The following DIS3L2 variants were observed in gnomAD, a reference collection of about 807,000 sequenced individuals.
DIS3L2 encodes the protein DIS3-like exonuclease 2.
A neutral mutation model predicts 97.5 loss-of-function variants in DIS3L2; 34 were observed. The observed-to-expected ratio is 0.35, with a 90% CI of 0.27 to 0.46. The LOEUF (loss-of-function observed/expected upper bound fraction) is 0.46, where lower values mean the gene tolerates loss of function less well. Among genes scored for constraint, DIS3L2 ranks in the 20% least tolerant of loss-of-function variants. The pLI, the probability that DIS3L2 is intolerant of heterozygous loss-of-function variation, is 1.00. For missense variants in DIS3L2, 1,038 were observed against 1,146.0 expected, an observed-to-expected ratio of 0.91 and a Z score of 1.36; for synonymous variants, 435 against 445.2, an observed-to-expected ratio of 0.98 and a Z score of 0.29.
At chr2:231,963,364 G>T (rs1396468953) in intron 1 of DIS3L2, among the ~76,000 whole-genome samples, 5 of 152,126 alleles carry the variant, frequency 3.3e-5, no homozygotes, top group Admixed American at 3.3e-4. Flanking sequence ...TTTGTTGGCT[G>T]CTTGTATGTC....
intron 5 of DIS3L2, among the ~76,000 whole-genome samples, chr2:232,069,017 A>G (rs904508564): frequency 4.6e-5 from 7 of 152,046 alleles, no homozygotes; most frequent in African/African-American, 1.7e-4. Flanking sequence ...GGGTTTCACC[A>G]TATTGGCCAG....
Position 232,223,755 on chromosome 2 carries a change from A to C in DIS3L2, c.1204+13350A>C, listed in dbSNP as rs889599117. 1.4e-4 allele frequency among the ~76,000 whole-genome samples: 21 copies of C among 152,340 alleles called. 1 individual carries two copies. The highest frequency in any genetic ancestry group is 4.8e-4 in the African/African-American group (20 of 41,582). On this transcript the variant is annotated intron_variant, in intron 10 of 20. Coordinates refer to ENST00000325385, the MANE Select transcript of DIS3L2 (RefSeq NM_152383.5). ...CTTAGAATGGTGCTAGACAAAAAGT[A>C]AGTGTTTAGTGAAAGTTATTATTAA...
intron 8 of DIS3L2, among the ~76,000 whole-genome samples, chr2:232,138,478 ATTTAT>A (rs1698421593): frequency 6.6e-6 from 1 of 152,168 alleles, no homozygotes; most frequent in Non-Finnish European, 1.5e-5. Context: ...AGAAGAGAAA[ATTTAT>A]TTTAAGAAAT....
At chr2:232,274,970 A>C (rs1408501928) in intron 13 of DIS3L2, among the ~76,000 whole-genome samples, 2 of 152,164 alleles carry the variant, frequency 1.3e-5, no homozygotes, top group African/African-American at 4.8e-5. Context: ...CTGGATTTCT[A>C]CATCAAATCT....
intron 3 of DIS3L2, among the ~76,000 whole-genome samples, chr2:232,017,238 A>G (rs1365596577): frequency 1.3e-5 from 2 of 151,858 alleles, no homozygotes; most frequent in Admixed American, 1.3e-4. Context: ...AGAAGGTAAA[A>G]ATTAGTCATG....
At chr2:232,222,998 T>C (rs1195136589) in intron 10 of DIS3L2, among the ~76,000 whole-genome samples, 6 of 152,244 alleles carry the variant, frequency 3.9e-5, no homozygotes, top group Admixed American at 6.5e-5. Context: ...CATTCAAATC[T>C]TGCTAGCTTG....
intron 5 of DIS3L2, among the ~76,000 whole-genome samples, chr2:232,052,133 C>G (rs1429861060): frequency 6.6e-6 from 1 of 151,878 alleles, no homozygotes; most frequent in African/African-American, 2.4e-5. Flanking sequence ...AGCAGTTCTC[C>G]TGCCTCAGCC....
At chr2:231,968,207 C>T (rs767938691) in intron 1 of DIS3L2, among the ~76,000 whole-genome samples, 9 of 151,740 alleles carry the variant, frequency 5.9e-5, no homozygotes, top group Non-Finnish European at 1.3e-4. Flanking sequence ...ATACCATTCT[C>T]CTGCCTCAGT....
chr2:232,263,315 G>A lies in DIS3L2; in HGVS notation c.1534G>A (p.Glu512Lys), dbSNP rs1693767237. ...ESPTEKIPAK[E>K]LPPISPEHSS... ...CCCAACTGAGAAAATCCCTGCGAAA[G>A]AGCTGCCCCCCATTTCCCCAGAGCA... is the stretch of plus-strand genomic sequence containing the variant. Residue 512 changes from glutamate to lysine, a missense_variant, in exon 13 of 21, where the codon GAG becomes AAG. Transcript: ENST00000325385. 6.2e-7 allele frequency: 1 copy of A among 1,614,196 alleles called. No homozygotes were observed. Among genetic ancestry groups the A allele is most frequent in the Non-Finnish European group, 8.5e-7 (1 of 1,180,040 alleles).
intron 12 of DIS3L2, among the ~76,000 whole-genome samples, chr2:232,253,831 G>A (rs983284943): frequency 6.6e-6 from 1 of 152,192 alleles, no homozygotes; most frequent in Non-Finnish European, 1.5e-5. Context: ...CTCTTGGGAA[G>A]TAACAGAGAG....
At chr2:232,193,237 AT>A (rs1691664789) in intron 9 of DIS3L2, among the ~76,000 whole-genome samples, 1 of 152,254 alleles carries the variant, frequency 6.6e-6, no homozygotes. Context: ...GCACAGTTGC[AT>A]TCACTTCTAC....
intron 9 of DIS3L2, among the ~76,000 whole-genome samples, chr2:232,206,655 A>G (rs903692051): frequency 6.6e-6 from 1 of 152,188 alleles, no homozygotes; most frequent in Non-Finnish European, 1.5e-5. Context: ...CCTGATCAGG[A>G]ATAATGTTTG....
intron 17 of DIS3L2, 38 bp downstream of exon 17, chr2:232,334,025 A>G (rs769696605): frequency 1.3e-5 from 20 of 1,579,178 alleles, no homozygotes; most frequent in Non-Finnish European, 1.3e-5. Context: ...GACCTGGGCC[A>G]GCTCAGGGCT....
At position 232,136,455 on chromosome 2, in the gene DIS3L2, A is replaced by G. The variant is rs770915716; in HGVS notation, c.703-17A>G. 2.5e-6 allele frequency: 4 copies of G among 1,613,068 alleles called. No homozygotes were observed. The highest frequency in any genetic ancestry group is 3.3e-5 in the Admixed American group (2 of 59,918). On this transcript the variant is annotated splice_polypyrimidine_tract_variant and intron_variant, in intron 7 of 20. Coordinates refer to ENST00000325385, the MANE Select transcript of DIS3L2 (RefSeq NM_152383.5). ...TCTGCAGATAAACAACATTGACTAT[A>G]TCTTTGGTGTTTTTAGGTGGTTTAC...
At chr2:232,260,383 G>A (rs1693683778) in intron 12 of DIS3L2, 1 of 152,196 alleles carries the variant, frequency 6.6e-6, no homozygotes, top group African/African-American at 2.4e-5. Context: ...AGCCTAAAAG[G>A]GGCTCTTCAG....
At chr2:232,158,267 A>G (rs1353664897) in intron 8 of DIS3L2, among the ~76,000 whole-genome samples, 1 of 151,938 alleles carries the variant, frequency 6.6e-6, no homozygotes, top group Non-Finnish European at 1.5e-5. Context: ...GGAACTAGGC[A>G]TTCAAGGTAC....
At chr2:232,088,390 C>CAAAAAA (rs778505065) in intron 6 of DIS3L2, among the ~76,000 whole-genome samples, 8 of 55,710 alleles carry the variant, frequency 1.4e-4, no homozygotes, top group South Asian at 6.3e-4. Context: ...ACTAAAAATA[C>CAAAAAA]AAAAAAAAAA....
intron 14 of DIS3L2, among the ~76,000 whole-genome samples, chr2:232,327,658 G>A (rs908719212): frequency 2.0e-5 from 3 of 152,200 alleles, no homozygotes; most frequent in African/African-American, 7.2e-5. Context: ...GGTGAGCCTA[G>A]AACAGTCAGT....
intron 14 of DIS3L2, among the ~76,000 whole-genome samples, chr2:232,305,121 G>A (rs569820746): frequency 6.6e-6 from 1 of 152,090 alleles, no homozygotes; most frequent in African/African-American, 2.4e-5. Flanking sequence ...TGTCACCCAG[G>A]CTGGAGTGCA....
Sources: gnomAD v4.1 joint callset for allele counts (sites outside exome capture counted in the v4.1 genomes callset) on GRCh38, gnomAD v4.1.1 for gene constraint, MANE v1.5 for transcripts, NCBI Gene and HGNC (gene_info 2026-07-23, HGNC 2026-07-21) for gene names.